The following UBR3 variants were observed in gnomAD, a reference collection of about 807,000 sequenced individuals.
The protein encoded by UBR3 is E3 ubiquitin-protein ligase UBR3.
Under a neutral mutation model 243.2 loss-of-function variants are expected in UBR3, and 85 were observed. The observed-to-expected ratio is 0.35, with a 90% confidence interval of 0.29 to 0.42. The LOEUF is 0.42. Ranked by LOEUF, UBR3 falls within the 10% of genes least tolerant of loss-of-function variation. UBR3 has a pLI of 1.00. For missense variants in UBR3, 1,686 were observed against 2,300.8 expected (o/e 0.73, Z 5.47); for synonymous variants, 748 against 799.8 (o/e 0.94, Z 1.09).
rs1553490720 is a variant in UBR3 at position 169,845,539 on chromosome 2, C to CTTCT, written c.545+17489_545+17492dup. On this transcript the variant is annotated intron_variant, in intron 1 of 38. Transcript: ENST00000272793. ...TCGTCGTCGTCGTCGTCGTCTTCTT[C>CTTCT]TTCTTCTTCTTCTTTCTTCTTCTTC... 5.5e-5 allele frequency among the ~76,000 whole-genome samples: 8 copies of CTTCT among 145,002 alleles called. No homozygotes were observed. In the South Asian group the frequency reaches 1.8e-3, roughly 33 times the overall value.
At chr2:170,063,829 G>A (rs2091499878) in intron 35 of UBR3, among the ~76,000 whole-genome samples, 2 of 152,108 alleles carry the variant, frequency 1.3e-5, no homozygotes, top group African/African-American at 4.8e-5. Flanking sequence ...AACCTAATAT[G>A]TTGTATATTG....
intron 35 of UBR3, among the ~76,000 whole-genome samples, chr2:170,070,055 T>C (rs1345456802): frequency 6.6e-6 from 1 of 152,170 alleles, no homozygotes; most frequent in Non-Finnish European, 1.5e-5. Context: ...ATGGAACTCC[T>C]GAATACAGAG....
intron 30 of UBR3, among the ~76,000 whole-genome samples, chr2:170,025,790 A>G (rs1231475566): frequency 1.3e-5 from 2 of 152,146 alleles, no homozygotes; most frequent in Non-Finnish European, 2.9e-5. Context: ...ATGACTCCCG[A>G]GTTTTTCCTT....
At chr2:169,881,126 A>C (rs928105950) in intron 5 of UBR3, among the ~76,000 whole-genome samples, 4 of 152,152 alleles carry the variant, frequency 2.6e-5, no homozygotes, top group Admixed American at 2.6e-4. Flanking sequence ...CTTTTAAAGC[A>C]TGTGATGTAT....
chr2:169,960,728 A>G (rs1225870531), intron 24 of UBR3, among the ~76,000 whole-genome samples: 1 of 151,958 alleles, frequency 6.6e-6, no homozygotes, highest in African/African-American at 2.4e-5. Context: ...ATACTTTTAA[A>G]CTTTTAAATT....
chr2:170,047,469 ATTAC>A (rs1325869032), intron 32 of UBR3, among the ~76,000 whole-genome samples: 1 of 152,154 alleles, frequency 6.6e-6, no homozygotes, highest in Non-Finnish European at 1.5e-5. Context: ...CTAAAATTTA[ATTAC>A]TTATATATTA....
chr2:169,954,091 A>T (rs2087155109), intron 23 of UBR3, among the ~76,000 whole-genome samples: 1 of 152,164 alleles, frequency 6.6e-6, no homozygotes, highest in African/African-American at 2.4e-5. Flanking sequence ...CAACTATCAG[A>T]ATTAGCAGAT....
At chr2:169,877,430 G>A (rs922246083) in intron 3 of UBR3, 64 bp from the exon 4 acceptor site, 6 of 1,412,650 alleles carry the variant, frequency 4.2e-6, no homozygotes, top group African/African-American at 1.5e-5. Flanking sequence ...ACTAGTTAAT[G>A]AAAAGACCAT....
intron 19 of UBR3, among the ~76,000 whole-genome samples, chr2:169,941,593 C>T (rs145766513): frequency 0.025 from 3,828 of 152,244 alleles, 95 homozygotes; most frequent in Middle Eastern, 0.041. Flanking sequence ...ATTCACCTAA[C>T]TTTTATTACA....
intron 23 of UBR3, among the ~76,000 whole-genome samples, chr2:169,954,152 CAAT>C (rs2087158356): frequency 7.2e-6 from 1 of 139,544 alleles, no homozygotes. Flanking sequence ...ATAGTTGTCC[CAAT>C]AATGTTTGAT....
chr2:169,892,615 A>G (rs2084419524), intron 6 of UBR3, among the ~76,000 whole-genome samples: 1 of 152,294 alleles, frequency 6.6e-6, no homozygotes, highest in Middle Eastern at 3.4e-3. Context: ...CAGTTTAAGT[A>G]TGTACATGGA....
intron 1 of UBR3, among the ~76,000 whole-genome samples, chr2:169,870,069 T>A (rs1347824599): frequency 2.0e-5 from 3 of 152,302 alleles, no homozygotes; most frequent in East Asian, 1.9e-4. Flanking sequence ...AGGAAAATAG[T>A]TAATTATCTT....
intron 24 of UBR3, among the ~76,000 whole-genome samples, chr2:169,973,562 G>A (rs2088278353): frequency 6.6e-6 from 1 of 152,124 alleles, no homozygotes; most frequent in South Asian, 2.1e-4. Flanking sequence ...GTATCCTGAA[G>A]CTTTACTGAA....
chr2:170,072,380 C>G (rs2091717400), intron 35 of UBR3, among the ~76,000 whole-genome samples: 1 of 149,278 alleles, frequency 6.7e-6, no homozygotes, highest in Admixed American at 6.7e-5. Context: ...AATGAGAACA[C>G]AGGGACACAG....
chr2:169,910,509 G>A (rs1019651212), intron 10 of UBR3, among the ~76,000 whole-genome samples: 1 of 152,046 alleles, frequency 6.6e-6, no homozygotes, highest in Non-Finnish European at 1.5e-5. Context: ...TCATATTTCA[G>A]CTTTCAAGGC....
At chr2:169,946,177 C>G in intron 20 of UBR3, 111 bp from the exon 21 acceptor site, 1 of 518,042 alleles carries the variant, frequency 1.9e-6, no homozygotes, top group Non-Finnish European at 3.3e-6. Context: ...ACTGGTATTT[C>G]TAGATATTAA....
intron 1 of UBR3, among the ~76,000 whole-genome samples, chr2:169,841,726 C>T (rs866242143): frequency 6.6e-6 from 1 of 152,080 alleles, no homozygotes; most frequent in African/African-American, 2.4e-5. Flanking sequence ...GCCGGCCCAC[C>T]GGCGCTGTGC....
At chr2:170,012,910 A>G (rs2090127444) in intron 29 of UBR3, among the ~76,000 whole-genome samples, 1 of 152,162 alleles carries the variant, frequency 6.6e-6, no homozygotes, top group Non-Finnish European at 1.5e-5. Context: ...TTGGTCATGC[A>G]AAAAGAAGCT....
intron 30 of UBR3, among the ~76,000 whole-genome samples, chr2:170,029,021 G>T (rs183664679): frequency 6.6e-6 from 1 of 152,080 alleles, no homozygotes; most frequent in Non-Finnish European, 1.5e-5. Context: ...TGGTTAGGAA[G>T]AGAACACAAT....
Sources: gnomAD v4.1 joint callset for allele counts (sites outside exome capture counted in the v4.1 genomes callset) on GRCh38, gnomAD v4.1.1 for gene constraint, MANE v1.5 for transcripts, NCBI Gene and HGNC (gene_info 2026-07-23, HGNC 2026-07-21) for gene names.